The following FBF1 variants were observed in gnomAD, a reference collection of about 807,000 sequenced individuals.
The protein encoded by FBF1 is Fas binding factor 1, also known as fas-binding factor 1.
A neutral mutation model predicts 147.2 loss-of-function variants in FBF1; 119 were observed. The ratio of observed to expected loss-of-function variants is 0.81; its 90% CI spans 0.70 to 0.94. FBF1 has a LOEUF of 0.94. Ranked by LOEUF, FBF1 falls within the 40% of genes least tolerant of loss-of-function variation. The pLI is 0.00. For missense variants in FBF1, 1,449 were observed against 1,500.8 expected (o/e 0.97, Z 0.57); for synonymous variants, 601 against 609.0 (o/e 0.99, Z 0.19).
chr17:75,909,751 C>T lies in FBF1; in HGVS notation c.*972G>A, dbSNP rs2065446993. ...GCCTGGTCCTGACCAATCTTATAGGCTGATCTTTTAATAAGAACATCTGCC... is the reference window on the plus strand; with the variant it reads ...GCCTGGTCCTGACCAATCTTATAGGTTGATCTTTTAATAAGAACATCTGCC... On this transcript the variant is annotated 3_prime_UTR_variant, in exon 30 of 30. Coordinates refer to ENST00000636174, the MANE Select transcript of FBF1 (RefSeq NM_001319193.2). The T allele has an allele frequency of 1.6e-6, 1 of 618,204 alleles. No individual in the cohort carries two copies. The highest frequency in any genetic ancestry group is 2.9e-6 in the Non-Finnish European group (1 of 341,930). 38.3% of individuals were successfully genotyped at this position (618,204 alleles called of 1,614,324 possible). A position where few individuals can be genotyped will look rare whatever the true frequency, so the allele number is the denominator to read the frequency against.
intron 23 of FBF1, among the ~76,000 whole-genome samples, chr17:75,916,132 C>G (rs914665710): frequency 4.6e-5 from 7 of 151,104 alleles, no homozygotes; most frequent in African/African-American, 1.5e-4. Context: ...TCAGCCTGGG[C>G]AACATGGCAA....
intron 17 of FBF1, 115 bp from the exon 18 acceptor site, chr17:75,920,544 C>T: frequency 8.7e-7 from 1 of 1,143,510 alleles, no homozygotes; most frequent in Non-Finnish European, 1.2e-6. Flanking sequence ...TCTGTGGCTG[C>T]AGATGGGGCC....
At chr17:75,933,683 C>G (rs192157816) in intron 4 of FBF1, among the ~76,000 whole-genome samples, 45 of 152,234 alleles carry the variant, frequency 3.0e-4, no homozygotes, top group African/African-American at 1.0e-3. Flanking sequence ...GGATTAGCAT[C>G]CAGAATCTAC....
Position 75,927,516 on chromosome 17 carries a change from G to T in FBF1, c.414C>A (p.Thr138=), listed in dbSNP as rs768592388. Residue 138 remains threonine, a synonymous_variant, in exon 9 of 30, where the codon ACC becomes ACA. Coordinates refer to ENST00000636174, the MANE Select transcript of FBF1 (RefSeq NM_001319193.2). ...TGCTGGGAGACGGAAGTGACTTCTT[G>T]GTGGGAATGGCACCCCCTGCAGGAA... ...HPKPAGGAIP[T]KKSLPSPSSS... is the part of the protein sequence containing the mutation. 12 of 1,602,970 alleles carry T rather than the reference G, an allele frequency of 7.5e-6. No homozygotes were observed. In the South Asian group the frequency reaches 1.2e-4, roughly 17 times the overall value.
intron 23 of FBF1, among the ~76,000 whole-genome samples, chr17:75,917,522 G>A (rs908398467): frequency 4.4e-3 from 3 of 680 alleles, no homozygotes; most frequent in Admixed American, 0.015. Context: ...ACAGGGCGTG[G>A]TGGGGGGCCT....
At chr17:75,929,638 G>A (rs1201588849) in intron 7 of FBF1, among the ~76,000 whole-genome samples, 8 of 152,314 alleles carry the variant, frequency 5.3e-5, no homozygotes, top group Non-Finnish European at 8.8e-5. Context: ...CTTGGCAGGG[G>A]ATGTGGAGAG....
chr17:75,913,990 C>T lies in FBF1; in HGVS notation c.3052G>A (p.Ala1018Thr). The T allele has an allele frequency of 6.4e-7, 1 of 1,571,324 alleles. No individual in the cohort carries two copies. The highest frequency in any genetic ancestry group is 8.6e-7 in the Non-Finnish European group (1 of 1,165,646). ...RALREAQQVQ[A>T]EQQARLQAVQ... ...GCCTGCAACCGGGCCTGCTGCTCTG[C>T]CTGCACCTGCTGGGCCTCGCGCAAT... The change falls in exon 27 of 30, where the codon GCA becomes ACA. Residue 1018 changes from alanine (A) to threonine (T), a missense_variant. Physicochemically the swap from Ala to Thr is moderately conservative, Grantham distance 58. Coordinates refer to ENST00000636174, the MANE Select transcript of FBF1 (RefSeq NM_001319193.2).
Position 75,925,577 on chromosome 17 carries a change from G to A in FBF1, c.869-131C>T. ...ACAAGCAGAGGGAAGCTGCTGTGAA[G>A]GGAGCACCTCAGGCACTGGCCAGGA... On this transcript the variant is annotated intron_variant, in intron 12 of 29. Transcript: ENST00000636174. This position sits in a 1 kb window ranked among gnomAD's most constrained non-coding sequence, Gnocchi z 5.0. 2.6e-6 allele frequency: 2 copies of A among 777,198 alleles called. No homozygotes were observed. Among genetic ancestry groups the A allele is most frequent in the Non-Finnish European group, 4.2e-6 (2 of 479,746 alleles). 48.1% of individuals were successfully genotyped at this position (777,198 alleles called of 1,614,324 possible).
At chr17:75,931,061 C>T (rs1468124687) in intron 6 of FBF1, among the ~76,000 whole-genome samples, 168 bp downstream of exon 6, 2 of 152,132 alleles carry the variant, frequency 1.3e-5, no homozygotes, top group Non-Finnish European at 2.9e-5. Context: ...CACCACTGCA[C>T]TCTAGCCTGA....
At chr17:75,920,537 G>A (rs1443559944) in intron 17 of FBF1, 108 bp from the exon 18 acceptor site, 17 of 1,227,676 alleles carry the variant, frequency 1.4e-5, no homozygotes, top group South Asian at 1.1e-4. Context: ...CATCTGATCT[G>A]TGGCTGCAGA....
chr17:75,931,140 A>T, intron 6 of FBF1, 89 bp downstream of exon 6: 1 of 1,386,338 alleles, frequency 7.2e-7, no homozygotes, highest in Non-Finnish European at 1.0e-6. Flanking sequence ...GGACTTCTAA[A>T]CCCTTCCGTG....
At position 75,918,135 on chromosome 17, in the gene FBF1, C is replaced by T. The variant is rs777932376; in HGVS notation, c.2246+27G>A. The T allele has an allele frequency of 5.6e-6, 9 of 1,610,564 alleles. No individual in the cohort carries two copies. The highest frequency in any genetic ancestry group is 2.2e-5 in the East Asian group (1 of 44,810). Reference sequence around the variant, plus strand: ...GGACCTTCCGGCCCCCAACGTCAGGCGGGCATGGTTGGGGCAGCGCACATA... The same window carrying T: ...GGACCTTCCGGCCCCCAACGTCAGGTGGGCATGGTTGGGGCAGCGCACATA... On this transcript the variant is annotated intron_variant, in intron 21 of 29. Coordinates refer to ENST00000636174, the MANE Select transcript of FBF1 (RefSeq NM_001319193.2). This position sits in a 1 kb window ranked among gnomAD's most constrained non-coding sequence, Gnocchi z 5.8.
At position 75,913,789 on chromosome 17, in the gene FBF1, G is replaced by T; in HGVS notation, c.3160C>A (p.Gln1054Lys). 1 of 1,605,678 alleles carries T rather than the reference G, an allele frequency of 6.2e-7. No individual in the cohort carries two copies. The highest frequency in any genetic ancestry group is 8.5e-7 in the Non-Finnish European group (1 of 1,179,076). ...AGGTCCTGTCGTGCGCGGTCCAGTT[G>T]CAGCCTCTGCTGGGCCAGACTCAGA... ...EHLSLAQQRLQLDRARQDLPS... is the reference protein window; with the variant it reads ...EHLSLAQQRLKLDRARQDLPS... The change falls in exon 28 of 30, where the codon CAA becomes AAA. Residue 1054 changes from glutamine to lysine, a missense_variant. Gln to Lys is a moderately conservative substitution (Grantham distance 53, BLOSUM62 1). Coordinates refer to ENST00000636174, the MANE Select transcript of FBF1 (RefSeq NM_001319193.2).
chr17:75,911,630 T>G (rs1247258197), intron 29 of FBF1, among the ~76,000 whole-genome samples: 1 of 152,184 alleles, frequency 6.6e-6, no homozygotes, highest in African/African-American at 2.4e-5. Context: ...GTGATCCTCT[T>G]ACCTCAGCCT....
At position 75,918,882 on chromosome 17, in the gene FBF1, A is replaced by G. The variant is rs929766403; in HGVS notation, c.2139-613T>C. Among the ~76,000 whole-genome samples, 6 of 151,062 alleles carry G rather than the reference A, an allele frequency of 4.0e-5. No homozygotes were observed. Among genetic ancestry groups the G allele is most frequent in the African/African-American group, 1.5e-4 (6 of 40,964 alleles). On this transcript the variant is annotated intron_variant, in intron 20 of 29. Transcript: ENST00000636174. This position sits in a 1 kb window ranked among gnomAD's most constrained non-coding sequence, Gnocchi z 5.8. ...GGTCTTGAACTCCTAGCCTCAAGCA[A>G]TCCTCCTGCCTTGGCCTCCCAAGTG...
rs544869133 is a variant in FBF1 at position 75,924,193 on chromosome 17, G to A, written c.969-552C>T. On this transcript the variant is annotated intron_variant, in intron 13 of 29. Transcript: ENST00000636174. ...CATGCCACTGCACTCCAGCCTGGGCGACAGAGTGAGACTCTGTCTAAAAAA... is the reference window on the plus strand; with the variant it reads ...CATGCCACTGCACTCCAGCCTGGGCAACAGAGTGAGACTCTGTCTAAAAAA... 6.6e-5 allele frequency among the ~76,000 whole-genome samples: 10 copies of A among 151,748 alleles called. No individual in the cohort carries two copies. The South Asian group carries it at 1.5e-3, about 22-fold the overall frequency.
intron 28 of FBF1, 101 bp downstream of exon 28, chr17:75,913,601 C>T: frequency 1.2e-6 from 1 of 847,082 alleles, no homozygotes; most frequent in Non-Finnish European, 1.7e-6. Context: ...TAAAACCCAG[C>T]TGGCCGCCTT....
chr17:75,937,445 C>T, intron 3 of FBF1, 121 bp downstream of exon 3: 2 of 1,089,560 alleles, frequency 1.8e-6, no homozygotes, highest in South Asian at 2.6e-5. Context: ...GCTGGGATTA[C>T]AGGTGTGAGC....
chr17:75,917,805 T>G lies in FBF1; in HGVS notation c.2432A>C (p.Glu811Ala). 6.2e-7 allele frequency: 1 copy of G among 1,609,294 alleles called. No individual in the cohort carries two copies. The highest frequency in any genetic ancestry group is 1.1e-5 in the South Asian group (1 of 90,348). The change falls in exon 23 of 30, where the codon GAG (glutamate) becomes GCG (alanine). Residue 811 changes from glutamate (E) to alanine (A), a missense_variant. Transcript: ENST00000636174. ...LGQQQRDMEE[E>A]RSRQQEVIGK... is the part of the protein sequence containing the mutation. ...GATGACCTCCTGTTGCCGGCTCCGC[T>G]CCTCCTCCATGTCCCGCTGCTGCTG...
Sources: allele counts gnomAD v4.1 joint callset (sites outside exome capture counted in the v4.1 genomes callset), GRCh38; gene constraint gnomAD v4.1.1; non-coding constraint Gnocchi (gnomAD v3.1); transcripts MANE v1.5; gene names NCBI Gene and HGNC (gene_info 2026-07-23, HGNC 2026-07-21).